The following CTNNA2 variants were observed in gnomAD, a reference collection of about 807,000 sequenced individuals.
CTNNA2 encodes catenin alpha-2.
In CTNNA2, 42 loss-of-function variants were observed where a neutral mutation model predicts 101.0. The ratio of observed to expected loss-of-function variants is 0.42; its 90% CI spans 0.32 to 0.54. The LOEUF is 0.54. CTNNA2 is among the 20% of genes least tolerant of loss of function. The pLI is 0.14. For missense variants in CTNNA2, 871 were observed against 1,223.1 expected, an observed-to-expected ratio of 0.71 and a Z score of 4.29; for synonymous variants, 450 against 456.4, an observed-to-expected ratio of 0.99 and a Z score of 0.18.
intron 7 of CTNNA2, among the ~76,000 whole-genome samples, chr2:80,126,634 C>CCCTTCCTTCCTTCCTTCCTTCCTT (rs1178536900): frequency 1.9e-4 from 5 of 26,200 alleles, no homozygotes; most frequent in African/African-American, 8.8e-4. Context: ...CTCCCTCCCT[C>CCCTTCCTTCCTTCCTTCCTTCCTT]CCTTCCTTCC....
At chr2:79,816,268 C>T in intron 3 of CTNNA2, among the ~76,000 whole-genome samples, 1 of 152,090 alleles carries the variant, frequency 6.6e-6, no homozygotes, top group East Asian at 1.9e-4. Flanking sequence ...TCTGGTTGCT[C>T]TGGCTAAGAC....
chr2:80,596,787 G>A (rs1009443452), intron 15 of CTNNA2, among the ~76,000 whole-genome samples: 13 of 94,032 alleles, frequency 1.4e-4, no homozygotes, highest in Admixed American at 1.0e-3. Context: ...TCTTGTGTCC[G>A]GTTTTCAAAG....
chr2:80,621,290 A>T (rs1671092205), intron 18 of CTNNA2, among the ~76,000 whole-genome samples: 1 of 151,968 alleles, frequency 6.6e-6, no homozygotes, highest in African/African-American at 2.4e-5. Context: ...AAAATGACTG[A>T]ATAGTTGATG....
intron 3 of CTNNA2, among the ~76,000 whole-genome samples, chr2:79,836,026 G>A (rs1165729288): frequency 6.6e-6 from 1 of 152,016 alleles, no homozygotes; most frequent in Non-Finnish European, 1.5e-5. Flanking sequence ...TGCTGCAATT[G>A]CTGATCTCTA....
intron 7 of CTNNA2, among the ~76,000 whole-genome samples, chr2:80,245,505 C>T (rs533706942): frequency 1.1e-4 from 16 of 152,218 alleles, no homozygotes; most frequent in African/African-American, 3.9e-4. Flanking sequence ...GGTTATTTTC[C>T]TTATAGTCCC....
chr2:79,409,769 A>G (rs1174224434), intron 4 of CTNNA2, among the ~76,000 whole-genome samples: 2 of 147,394 alleles, frequency 1.4e-5, no homozygotes, highest in Admixed American at 1.4e-4. Context: ...CTTAGGATTG[A>G]CTTGGTGATG....
At chr2:80,052,690 T>G (rs1696953381) in intron 7 of CTNNA2, among the ~76,000 whole-genome samples, 1 of 152,248 alleles carries the variant, frequency 6.6e-6, no homozygotes, top group Non-Finnish European at 1.5e-5. Flanking sequence ...GTAGTGTAAC[T>G]ATGAATTATC....
chr2:79,509,796 A>G (rs989515034), upstream of CTNNA2, among the ~76,000 whole-genome samples: 1 of 152,206 alleles, frequency 6.6e-6, no homozygotes, highest in African/African-American at 2.4e-5. Flanking sequence ...ATTGTAACAA[A>G]CATGCTACTG....
At chr2:79,865,507 A>T (rs1465169467) in intron 4 of CTNNA2, among the ~76,000 whole-genome samples, 1 of 152,218 alleles carries the variant, frequency 6.6e-6, no homozygotes, top group Non-Finnish European at 1.5e-5. Flanking sequence ...GAATGGGGTC[A>T]GTCTGTCCAA....
In CTNNA2 at chr2:80,067,209, A is replaced by G. The variant is rs1341526153; in HGVS notation, c.1056+157412A>G. ...TAATGTATTCTTGAAAATTGCTAAG[A>G]AAGTAGATTTTAAGTGTTCGCATCA... On this transcript the variant is annotated intron_variant, in intron 7 of 18. Transcript: ENST00000402739. 1.3e-5 allele frequency among the ~76,000 whole-genome samples: 2 copies of G among 152,130 alleles called. 1 individual carries two copies. Among genetic ancestry groups the G allele is most frequent in the Non-Finnish European group, 2.9e-5 (2 of 68,020 alleles).
intron 3 of CTNNA2, among the ~76,000 whole-genome samples, chr2:79,351,896 T>A (rs547080490): frequency 6.6e-6 from 1 of 152,340 alleles, no homozygotes; most frequent in Non-Finnish European, 1.5e-5. Context: ...GGAATGAACA[T>A]ACAGACACAT....
intron 12 of CTNNA2, among the ~76,000 whole-genome samples, chr2:80,560,281 A>G (rs12714008): frequency 0.21 from 31,340 of 152,068 alleles, 3,358 homozygotes; most frequent in Middle Eastern, 0.25. Flanking sequence ...AAAAGGACCA[A>G]CAAATACAAA....
At chr2:79,793,065 A>C (rs1343328201) in intron 3 of CTNNA2, among the ~76,000 whole-genome samples, 1 of 152,218 alleles carries the variant, frequency 6.6e-6, no homozygotes, top group African/African-American at 2.4e-5. Context: ...TATGTTTAGT[A>C]TGATGCCAAT....
intron 5 of CTNNA2, 105 bp downstream of exon 5, chr2:79,870,040 A>AGCAG: frequency 7.1e-7 from 1 of 1,407,990 alleles, no homozygotes; most frequent in Non-Finnish European, 9.7e-7. Flanking sequence ...CTTGCTATCA[A>AGCAG]ATGCCCTAAG....
At chr2:80,306,519 C>T (rs753124036) in intron 7 of CTNNA2, among the ~76,000 whole-genome samples, 1 of 151,124 alleles carries the variant, frequency 6.6e-6, no homozygotes, top group Non-Finnish European at 1.5e-5. Context: ...ACTCTTGCTG[C>T]CTACCTAACT....
intron 1 of CTNNA2, among the ~76,000 whole-genome samples, chr2:79,613,257 C>A (rs950810283): frequency 6.6e-6 from 1 of 151,424 alleles, no homozygotes; most frequent in African/African-American, 2.4e-5. Flanking sequence ...CTCAGGAAGT[C>A]ATATCAGACT....
At chr2:79,545,115 C>T (rs1006200993) in intron 1 of CTNNA2, among the ~76,000 whole-genome samples, 4 of 152,172 alleles carry the variant, frequency 2.6e-5, no homozygotes, top group Non-Finnish European at 4.4e-5. Context: ...AGCCCCCTTA[C>T]TCACTCTCAC....
At chr2:79,901,018 A>C (rs1188965966) in intron 6 of CTNNA2, among the ~76,000 whole-genome samples, 2 of 152,226 alleles carry the variant, frequency 1.3e-5, no homozygotes, top group Non-Finnish European at 2.9e-5. Flanking sequence ...GTTACAAAAG[A>C]CAGAAAGTGA....
chr2:80,372,535 G>A (rs1485686785), intron 7 of CTNNA2, among the ~76,000 whole-genome samples: 1 of 151,780 alleles, frequency 6.6e-6, no homozygotes, highest in Non-Finnish European at 1.5e-5. Context: ...CATGTTCATT[G>A]GTGTCTTTGA....
Sources: gnomAD v4.1 joint callset for allele counts (sites outside exome capture counted in the v4.1 genomes callset) on GRCh38, gnomAD v4.1.1 for gene constraint, MANE v1.5 for transcripts, NCBI Gene and HGNC (gene_info 2026-07-23, HGNC 2026-07-21) for gene names.